The following CDH18 variants were observed in gnomAD, a reference collection of about 807,000 sequenced individuals.
CDH18 encodes the protein cadherin 18, also known as cadherin-18.
Under a neutral mutation model 67.9 loss-of-function variants are expected in CDH18, and 31 were observed. The observed-to-expected ratio is 0.46, with a 90% CI of 0.34 to 0.62. The LOEUF is 0.62. Among genes scored for constraint, CDH18 ranks in the 20% least tolerant of loss-of-function variants. The pLI is 0.01. For missense variants in CDH18, 890 were observed against 975.5 expected (o/e 0.91, Z 1.17); for synonymous variants, 362 against 347.2 (o/e 1.04, Z -0.48).
chr5:20,070,712 A>C (rs1394881017), intron 2 of CDH18, among the ~76,000 whole-genome samples: 1 of 152,240 alleles, frequency 6.6e-6, no homozygotes, highest in African/African-American at 2.4e-5. Flanking sequence ...CAGAGAACAA[A>C]TGTAAACATT....
intron 2 of CDH18, among the ~76,000 whole-genome samples, chr5:19,846,834 TATTTAGTCTATGAAA>T (rs1444841198): frequency 2.0e-5 from 3 of 152,142 alleles, no homozygotes; most frequent in Admixed American, 2.0e-4. Context: ...ACTCCCTCAG[TATTTAGTCTATGAAA>T]ATCTTCATCT....
intron 9 of CDH18, among the ~76,000 whole-genome samples, chr5:19,526,852 C>T (rs953771875): frequency 1.3e-5 from 2 of 151,826 alleles, no homozygotes; most frequent in Non-Finnish European, 2.9e-5. Flanking sequence ...TGAAAATTCA[C>T]TCAAAATGAA....
At chr5:20,229,807 G>C (rs1183201216) in intron 2 of CDH18, among the ~76,000 whole-genome samples, 1 of 151,762 alleles carries the variant, frequency 6.6e-6, no homozygotes, top group Non-Finnish European at 1.5e-5. Flanking sequence ...GCCCAGATTG[G>C]GATAATTTTT....
intron 5 of CDH18, among the ~76,000 whole-genome samples, chr5:19,701,050 T>C (rs1386574403): frequency 9.9e-5 from 15 of 152,042 alleles, no homozygotes; most frequent in Non-Finnish European, 2.2e-4. Context: ...AAAATTATTG[T>C]AAATGATAAA....
At chr5:19,483,585 T>TA in intron 11 of CDH18, 33 bp from the exon 12 acceptor site, 1 of 1,547,562 alleles carries the variant, frequency 6.5e-7, no homozygotes, top group Non-Finnish European at 8.7e-7. Flanking sequence ...AAAATACACT[T>TA]AGTCAAGCCG....
At chr5:20,509,790 T>G in intron 1 of CDH18, among the ~76,000 whole-genome samples, 1 of 152,208 alleles carries the variant, frequency 6.6e-6, no homozygotes, top group East Asian at 1.9e-4. Flanking sequence ...TCCAATCATC[T>G]ATGGAAGGAC....
intron 5 of CDH18, among the ~76,000 whole-genome samples, chr5:19,662,127 A>C (rs1757264887): frequency 7.2e-6 from 1 of 138,124 alleles, no homozygotes; most frequent in Non-Finnish European, 1.6e-5. Flanking sequence ...TTTTTTTTAC[A>C]TTTTTTAAAG....
chr5:20,168,169 G>A (rs1176268797), intron 2 of CDH18, among the ~76,000 whole-genome samples: 1 of 152,056 alleles, frequency 6.6e-6, no homozygotes. Context: ...GTTTATCACA[G>A]CATTGCTAAT....
At chr5:20,359,379 T>A (rs932843555) in intron 1 of CDH18, among the ~76,000 whole-genome samples, 1 of 152,222 alleles carries the variant, frequency 6.6e-6, no homozygotes, top group Non-Finnish European at 1.5e-5. Flanking sequence ...AAGATTAGAA[T>A]TTCATTTTTT....
At chr5:20,414,871 C>T (rs938455403) in intron 1 of CDH18, among the ~76,000 whole-genome samples, 20 of 152,092 alleles carry the variant, frequency 1.3e-4, no homozygotes, top group African/African-American at 4.6e-4. Flanking sequence ...AATTGGAACC[C>T]TTGTGCACTC....
intron 2 of CDH18, among the ~76,000 whole-genome samples, chr5:19,884,141 G>A (rs961657882): frequency 1.3e-5 from 2 of 152,076 alleles, no homozygotes; most frequent in African/African-American, 4.8e-5. Context: ...CAGTCAATGG[G>A]AAGTTAAAAT....
intron 1 of CDH18, among the ~76,000 whole-genome samples, chr5:20,319,903 T>C (rs1344718343): frequency 1.3e-5 from 2 of 152,182 alleles, no homozygotes; most frequent in Non-Finnish European, 2.9e-5. Flanking sequence ...GTTATGTAAT[T>C]CTACATTCCA....
At chr5:20,426,225 T>C (rs557967545) in intron 1 of CDH18, among the ~76,000 whole-genome samples, 1 of 151,324 alleles carries the variant, frequency 6.6e-6, no homozygotes, top group South Asian at 2.1e-4. Context: ...ATATTCTTAA[T>C]GGAAATTACA....
chr5:19,604,553 A>G (rs927946630), intron 6 of CDH18, among the ~76,000 whole-genome samples: 1 of 151,410 alleles, frequency 6.6e-6, no homozygotes, highest in Non-Finnish European at 1.5e-5. Flanking sequence ...ACACACACAC[A>G]CACACACACA....
At chr5:19,886,692 T>C (rs2150071589) in intron 2 of CDH18, among the ~76,000 whole-genome samples, 1 of 152,294 alleles carries the variant, frequency 6.6e-6, no homozygotes, top group Non-Finnish European at 1.5e-5. Context: ...ACTTCAGTGA[T>C]GTTTGTAAAG....
At chr5:19,966,676 T>A (rs1797470145) in intron 2 of CDH18, among the ~76,000 whole-genome samples, 4 of 152,092 alleles carry the variant, frequency 2.6e-5, no homozygotes, top group Admixed American at 2.0e-4. Context: ...CCTGTTTTTT[T>A]TCTGGAGCAG....
chr5:19,517,380 G>A (rs1247570741), intron 10 of CDH18, among the ~76,000 whole-genome samples: 1 of 107,500 alleles, frequency 9.3e-6, no homozygotes, highest in Non-Finnish European at 1.9e-5. Context: ...TAGAAAGTCT[G>A]TAGTTTGTCT....
chr5:19,726,566 C>T (rs945941739), intron 4 of CDH18, among the ~76,000 whole-genome samples: 1 of 152,096 alleles, frequency 6.6e-6, no homozygotes, highest in East Asian at 1.9e-4. Flanking sequence ...ACATAAATAG[C>T]AGGGATGGAA....
intron 1 of CDH18, among the ~76,000 whole-genome samples, chr5:20,416,800 G>C (rs917995620): frequency 1.3e-5 from 2 of 151,866 alleles, no homozygotes; most frequent in Non-Finnish European, 2.9e-5. Flanking sequence ...TACAGCATGA[G>C]AAAACTTAAA....
Sources: allele counts gnomAD v4.1 joint callset (sites outside exome capture counted in the v4.1 genomes callset), GRCh38; gene constraint gnomAD v4.1.1; transcripts MANE v1.5; gene names NCBI Gene and HGNC (gene_info 2026-07-23, HGNC 2026-07-21).